Variants in ITGA2B observed in about 807,000 individuals in gnomAD.
The protein encoded by ITGA2B is integrin subunit alpha 2b, also known as integrin alpha-IIb.
ITGA2B carries 91 observed loss-of-function variants against 142.0 expected under a neutral mutation model. The observed-to-expected ratio is 0.64, with a 90% CI of 0.54 to 0.76. ITGA2B has a LOEUF of 0.76. ITGA2B is among the 30% of genes least tolerant of loss of function. The pLI is 0.00. For synonymous variants in ITGA2B, 536 were observed against 567.2 expected (o/e 0.94, Z 0.78); for missense variants, 1,231 against 1,350.8 (o/e 0.91, Z 1.39).
chr17:44,383,734 C>G (rs1567904291), intron 11 of ITGA2B, 30 bp from the exon 12 acceptor site: 2 of 1,558,046 alleles, frequency 1.3e-6, no homozygotes, highest in Admixed American at 3.9e-5. Flanking sequence ...TTACATGGGA[C>G]TGGACCAGGG....
At position 44,384,994 on chromosome 17, in the gene ITGA2B, G is replaced by A. The variant is rs1314823797; in HGVS notation, c.753C>T (p.Ser251=). 2.5e-6 allele frequency: 4 copies of A among 1,614,004 alleles called. No individual in the cohort carries two copies. The highest frequency in any genetic ancestry group is 3.4e-6 in the Non-Finnish European group (4 of 1,180,026). The change falls in exon 7 of 30, where the codon AGC becomes AGT. Residue 251 remains serine (S), a synonymous_variant. Coordinates refer to ENST00000262407, the MANE Select transcript of ITGA2B (RefSeq NM_000419.5). ...CTGGGTTGCTGGAGTCAAAGGAGAG[G>A]CTCTGGGAGGACACGTGCCACAAAA... The part of the protein sequence containing the change: ...GILLWHVSSQ[S]LSFDSSNPEY...
In ITGA2B at chr17:44,378,461, C is replaced by T. The variant is rs1414830384; in HGVS notation, c.1995G>A (p.Gln665=). ...CCTCGCCCTCGTTGGCTGCGTCCAT[C>T]TGCAGCTCCAGGACATTATCTGCCC... ...LVGADNVLEL[Q]MDAANEGEGA... Residue 665 remains glutamine (Q), a synonymous_variant, in exon 20 of 30, where the codon CAG becomes CAA. Coordinates refer to ENST00000262407, the MANE Select transcript of ITGA2B (RefSeq NM_000419.5). The T allele has an allele frequency of 1.9e-6, 3 of 1,613,742 alleles. No homozygotes were observed. Among genetic ancestry groups the T allele is most frequent in the Middle Eastern group, 1.7e-4 (1 of 6,048 alleles).
At chr17:44,375,173 C>T in intron 26 of ITGA2B, 62 bp from the exon 27 acceptor site, 1 of 1,419,306 alleles carries the variant, frequency 7.0e-7, no homozygotes, top group Non-Finnish European at 9.7e-7. Flanking sequence ...ATCCCCCACC[C>T]CCTTACCCCC....
Position 44,384,991 on chromosome 17 carries a change from G to C in ITGA2B, c.756C>G (p.Leu252=). ...ACTCTGGGTTGCTGGAGTCAAAGGA[G>C]AGGCTCTGGGAGGACACGTGCCACA... is the stretch of plus-strand genomic sequence containing the variant. ...ILLWHVSSQS[L]SFDSSNPEYF... is the part of the protein sequence containing the mutation. Residue 252 remains leucine, a synonymous_variant, in exon 7 of 30, where the codon CTC becomes CTG. Coordinates refer to ENST00000262407, the MANE Select transcript of ITGA2B (RefSeq NM_000419.5). 6.2e-7 allele frequency: 1 copy of C among 1,614,152 alleles called. No homozygotes were observed. Among genetic ancestry groups the C allele is most frequent in the Non-Finnish European group, 8.5e-7 (1 of 1,180,024 alleles).
chr17:44,386,028 A>T lies in ITGA2B; in HGVS notation c.292T>A (p.Ser98Thr). 1.2e-6 allele frequency: 2 copies of T among 1,613,600 alleles called. No homozygotes were observed. Among genetic ancestry groups the T allele is most frequent in the Non-Finnish European group, 1.7e-6 (2 of 1,179,944 alleles). ...PWRAEGGQCPSLLFDLRDETR... is the reference protein window; with the variant it reads ...PWRAEGGQCPTLLFDLRDETR... The stretch of plus-strand genomic sequence containing the variant: ...GACTCACGGAGGTCAAAGAGCAGCG[A>T]GGGGCACTGGCCGCCCTCGGCCCTC... The change falls in exon 2 of 30, where the codon TCG (serine) becomes ACG (threonine). Residue 98 changes from serine (S) to threonine (T), a missense_variant. This residue lies in a region of ITGA2B where 318 missense variants were observed against 312.2 expected (regional missense o/e 1.02). Coordinates refer to ENST00000262407, the MANE Select transcript of ITGA2B (RefSeq NM_000419.5).
chr17:44,378,751 T>C (rs1598378722), intron 18 of ITGA2B, 41 bp from the exon 19 acceptor site: 1 of 1,540,726 alleles, frequency 6.5e-7, no homozygotes, highest in Non-Finnish European at 8.8e-7. Context: ...GTTGGGGATG[T>C]GTGAGGTTTA....
At position 44,377,703 on chromosome 17, in the gene ITGA2B, C is replaced by A; in HGVS notation, c.2182G>T (p.Ala728Ser). The A allele has an allele frequency of 6.2e-7, 1 of 1,612,938 alleles. No homozygotes were observed. Among genetic ancestry groups the A allele is most frequent in the South Asian group, 1.1e-5 (1 of 91,042 alleles). The change falls in exon 21 of 30, where the codon GCC (alanine) becomes TCC (serine). Residue 728 changes from alanine to serine, a missense_variant. Physicochemically the swap from Ala to Ser is moderately conservative, Grantham distance 99 (BLOSUM62 1). Coordinates refer to ENST00000262407, the MANE Select transcript of ITGA2B (RefSeq NM_000419.5). ...CCACGACCCAGCAGCCTCACCTGGG[C>A]GTTCTTCTTCATGGGGTTGCCCAGC... is the stretch of plus-strand genomic sequence containing the variant. Reference protein sequence around the residue: ...CELGNPMKKNAQIGIAMLVSV... With the variant: ...CELGNPMKKNSQIGIAMLVSV...
At chr17:44,381,168 G>C in intron 12 of ITGA2B, 107 bp from the exon 13 acceptor site, 1 of 1,134,444 alleles carries the variant, frequency 8.8e-7, no homozygotes, top group Non-Finnish European at 1.2e-6. Context: ...ACTAGGAAAG[G>C]GGTGCAAAGT....
chr17:44,381,053 C>T lies in ITGA2B; in HGVS notation c.1219G>A (p.Val407Met). ...LDRDGYNDIA[V>M]AAPYGGPSGR... is the part of the protein sequence containing the mutation. ...CTGGGACCCCCGTAGGGGGCAGCCA[C>T]TGCAATGTCTGGAAGGAGTAACAGA... The change falls in exon 13 of 30, where the codon GTG becomes ATG. Residue 407 changes from valine (V) to methionine (M), a missense_variant. Around this residue, in one of 3 missense-constraint regions of ITGA2B, gnomAD observed 908 missense variants for 1,021.1 expected, o/e 0.89. Coordinates refer to ENST00000262407, the MANE Select transcript of ITGA2B (RefSeq NM_000419.5). The T allele has an allele frequency of 6.2e-7, 1 of 1,613,386 alleles. No individual in the cohort carries two copies.
intron 22 of ITGA2B, 130 bp from the exon 23 acceptor site, chr17:44,376,518 A>G: frequency 1.2e-6 from 1 of 802,820 alleles, no homozygotes; most frequent in Non-Finnish European, 2.1e-6. Flanking sequence ...CTGAAGTTAG[A>G]CCTGGGAAAG....
In ITGA2B at chr17:44,385,666, A is replaced by G. The variant is rs1255668285; in HGVS notation, c.459T>C (p.Ala153=). 1.9e-6 allele frequency: 3 copies of G among 1,613,718 alleles called. No individual in the cohort carries two copies. Among genetic ancestry groups the G allele is most frequent in the Non-Finnish European group, 2.5e-6 (3 of 1,180,016 alleles). The change falls in exon 4 of 30, where the codon GCT becomes GCC. Residue 153 remains alanine (A), a synonymous_variant. Transcript: ENST00000262407. ...AGCAGCTACCTACGGGCGTCTTCTC[A>G]GCCTCCTCAGTCTTTTCTAGGACGT... ...HWNVLEKTEE[A]EKTPVGSCFL...
rs187264223 is a variant in ITGA2B at position 44,383,596 on chromosome 17, G to T, written c.1107C>A (p.His369Gln). The T allele has an allele frequency of 1.2e-6, 2 of 1,610,968 alleles. No individual in the cohort carries two copies. The highest frequency in any genetic ancestry group is 2.2e-5 in the East Asian group (1 of 44,818). The change falls in exon 12 of 30, where the codon CAC becomes CAA. Residue 369 changes from histidine (H) to glutamine (Q), a missense_variant. Physicochemically the swap from His to Gln is conservative, Grantham distance 24 (BLOSUM62 0). Transcript: ENST00000262407. ...GCAGGAGGCTGGGGGCACCCAGCGC[G>T]TGGGGGCCTCGCGGCTGCAGGAACA... ...VYLFLQPRGP[H>Q]ALGAPSLLLT... is the part of the protein sequence containing the mutation.
At position 44,380,643 on chromosome 17, in the gene ITGA2B, G is replaced by C. The variant is rs1435724404; in HGVS notation, c.1396C>G (p.Leu466Val). 3 of 1,614,192 alleles carry C rather than the reference G, an allele frequency of 1.9e-6. No individual in the cohort carries two copies. ...VDIDDNGYPD[L>V]IVGAYGANQV... The stretch of plus-strand genomic sequence containing the variant: ...TTGGCCCCGTAAGCTCCCACGATCA[G>C]GTCTATAGACATCGAGGAATGGGTC... Residue 466 changes from leucine to valine, a missense_variant and splice_region_variant, in exon 14 of 30, where the codon CTG becomes GTG. By Grantham distance (32) the Leu-to-Val change is conservative. Transcript: ENST00000262407.
chr17:44,382,901 T>C (rs2048609175), intron 12 of ITGA2B, among the ~76,000 whole-genome samples: 1 of 152,068 alleles, frequency 6.6e-6, no homozygotes, highest in Non-Finnish European at 1.5e-5. Context: ...CTAAATGCTT[T>C]TGCTCCCTAG....
rs1043773103 is a variant in ITGA2B, at chr17:44,388,912, G to A, written c.188+374C>T. Among the ~76,000 whole-genome samples, 10 of 147,530 alleles carry A rather than the reference G, an allele frequency of 6.8e-5. 1 individual carries two copies. The Middle Eastern group carries it at 0.01, about 155-fold the overall frequency. ...ATTCTCGACCTCAGGTGATCTGCCCGCCTCGGCCTCCCAAAGTGCTGGGAT... is the reference window on the plus strand; with the variant it reads ...ATTCTCGACCTCAGGTGATCTGCCCACCTCGGCCTCCCAAAGTGCTGGGAT... On this transcript the variant is annotated intron_variant, in intron 1 of 29. Coordinates refer to ENST00000262407, the MANE Select transcript of ITGA2B (RefSeq NM_000419.5).
intron 21 of ITGA2B, 139 bp from the exon 22 acceptor site, chr17:44,377,227 A>C: frequency 4.3e-6 from 3 of 698,628 alleles, no homozygotes; most frequent in Non-Finnish European, 7.5e-6. Flanking sequence ...ACGGAGTCTC[A>C]CTCTGTCACC....
At chr17:44,385,237 G>A in intron 5 of ITGA2B, 28 bp from the exon 6 acceptor site, 2 of 1,613,940 alleles carry the variant, frequency 1.2e-6, no homozygotes, top group Non-Finnish European at 1.7e-6. Context: ...AGGGTGAGAG[G>A]GGGCCCTGTT....
chr17:44,384,021 T>C, intron 10 of ITGA2B, 64 bp downstream of exon 10: 2 of 1,613,240 alleles, frequency 1.2e-6, no homozygotes, highest in Non-Finnish European at 1.7e-6. Flanking sequence ...TCACCTCCCA[T>C]GAAATATTCT....
rs41385144 is a variant in ITGA2B, at chr17:44,372,244, A to G, written c.*120T>C. 85 of 991,182 alleles carry G rather than the reference A, an allele frequency of 8.6e-5. No individual in the cohort carries two copies. Among genetic ancestry groups the G allele is most frequent in the Non-Finnish European group, 1.2e-4 (77 of 632,494 alleles). The allele number at this position is 991,182 out of a possible 1,614,324, so 61.4% of individuals were successfully genotyped here. On this transcript the variant is annotated 3_prime_UTR_variant, in exon 30 of 30. Coordinates refer to ENST00000262407, the MANE Select transcript of ITGA2B (RefSeq NM_000419.5). ...GTAGCCCAGCTCTGTTGGGAGGGAA[A>G]CGACACCAAGAGGACCCAATGGAAC...
Sources: gnomAD v4.1 joint callset for allele counts (sites outside exome capture counted in the v4.1 genomes callset) on GRCh38, gnomAD v4.1.1 for gene constraint, gnomAD v4.1.1 regional missense constraint, MANE v1.5 for transcripts, NCBI Gene and HGNC (gene_info 2026-07-23, HGNC 2026-07-21) for gene names.